Variants in ASMTL observed in about 807,000 individuals in gnomAD.
ASMTL encodes the protein probable bifunctional dTTP/UTP pyrophosphatase/methyltransferase protein.
In ASMTL, 57 loss-of-function variants were observed where a neutral mutation model predicts 60.3. The ratio of observed to expected loss-of-function variants is 0.95; its 90% CI spans 0.76 to 1.18. ASMTL has a LOEUF of 1.18. Among genes scored for constraint, ASMTL ranks in the 50% most tolerant of loss-of-function variants. The probability of loss-of-function intolerance (pLI) is 0.00; values close to 1 mark genes in which losing one functional copy is unlikely to be tolerated. For missense variants in ASMTL, 981 were observed against 852.6 expected (o/e 1.15, Z -1.88); for synonymous variants, 419 against 373.0 (o/e 1.12, Z -1.42).
At chrX:1,439,206 C>T in intron 2 of ASMTL, 62 bp from the exon 3 acceptor site, 1 of 1,574,174 alleles carries the variant, frequency 6.4e-7, no homozygotes, top group Non-Finnish European at 8.7e-7. Context: ...GAGAAGTTTT[C>T]CCGTCGGTAC....
Position 1,442,181 on chromosome X carries a change from C to T in ASMTL, c.225+5G>A. On this transcript the variant is annotated splice_donor_5th_base_variant and intron_variant, in intron 2 of 12. Transcript: ENST00000381317. ...CATAAGGGCCGAAGGGCAGGGGCCC[C>T]TTGCCTGGTACAGCCGGTTGGCCAC... 1.2e-6 allele frequency: 2 copies of T among 1,613,436 alleles called. No individual in the cohort carries two copies. Among genetic ancestry groups the T allele is most frequent in the South Asian group, 1.1e-5 (1 of 91,034 alleles).
Position 1,452,909 on chromosome X carries a change from G to T in ASMTL, c.-69C>A. The T allele has an allele frequency of 7.8e-7, 1 of 1,286,670 alleles. No individual in the cohort carries two copies. Among genetic ancestry groups the T allele is most frequent in the South Asian group, 1.4e-5 (1 of 69,006 alleles). 79.7% of individuals were successfully genotyped at this position (1,286,670 alleles called of 1,614,324 possible). Reference sequence around the variant, plus strand: ...AGCCCGCGGTGCGCGCAGCGCGGCTGCAAAAAAAACAGGCGGCCAGAGTCC... The same window carrying T: ...AGCCCGCGGTGCGCGCAGCGCGGCTTCAAAAAAAACAGGCGGCCAGAGTCC... On this transcript the variant is annotated 5_prime_UTR_variant, in exon 1 of 13. Transcript: ENST00000381317.
intron 1 of ASMTL, among the ~76,000 whole-genome samples, chrX:1,443,131 GTGGACACACGCCGCCATCT>G (rs2091145976): frequency 6.7e-6 from 1 of 149,330 alleles, no homozygotes; most frequent in Non-Finnish European, 1.5e-5. Flanking sequence ...CACCGCCGTC[GTGGACACACGCCGCCATCT>G]TGGACACACA....
chrX:1,427,952 CG>C lies in ASMTL; in HGVS notation c.678del (p.His226GlnfsTer66). On this transcript the variant is annotated frameshift_variant, in exon 7 of 13. Transcript: ENST00000381317. LOFTEE classifies it high-confidence loss of function. ...RPEDLRRSVK[H>X]DSIPAADTFE... ...AAGGTGTCCGCGGCCGGGATGGAGT[CG>C]TGCTTGACACTCCGCCGCAGGTCCT... is the stretch of plus-strand genomic sequence containing the variant. 1 of 1,613,476 alleles carries C rather than the reference CG, an allele frequency of 6.2e-7. No individual in the cohort carries two copies. Among genetic ancestry groups the C allele is most frequent in the Non-Finnish European group, 8.5e-7 (1 of 1,179,826 alleles).
intron 2 of ASMTL, among the ~76,000 whole-genome samples, chrX:1,440,577 CAT>C (rs1437760980): frequency 5.9e-5 from 9 of 152,098 alleles, no homozygotes; most frequent in Non-Finnish European, 8.8e-5. Flanking sequence ...TCATATATAA[CAT>C]ATAGTAATTG....
At chrX:1,418,210 G>A (rs2090369591) in intron 10 of ASMTL, 94 bp from the exon 11 acceptor site, 2 of 1,381,680 alleles carry the variant, frequency 1.4e-6, no homozygotes, top group African/African-American at 2.9e-5. Flanking sequence ...AATGTTCAAG[G>A]GCATGGCATT....
Position 1,419,098 on chromosome X carries a change from C to G in ASMTL, c.1262G>C (p.Ser421Thr). Residue 421 changes from serine to threonine, a missense_variant, in exon 10 of 13, where the codon AGC becomes ACC. Coordinates refer to ENST00000381317, the MANE Select transcript of ASMTL (RefSeq NM_004192.4). The stretch of plus-strand genomic sequence containing the variant: ...CATGAACCTCAGCCGCGTCTCCGGG[C>G]TCTGGTAGTACGCATCCTGGAACAC... Reference protein sequence around the residue: ...EDLFQDAYYQSPETRLRFMRA... With the variant: ...EDLFQDAYYQTPETRLRFMRA... 1.2e-6 allele frequency: 2 copies of G among 1,611,310 alleles called. No individual in the cohort carries two copies. Among genetic ancestry groups the G allele is most frequent in the Non-Finnish European group, 1.7e-6 (2 of 1,179,516 alleles).
chrX:1,419,800 G>T (rs1438122527), intron 9 of ASMTL, among the ~76,000 whole-genome samples: 6 of 152,200 alleles, frequency 3.9e-5, no homozygotes, highest in African/African-American at 1.4e-4. Context: ...CCCCTGCGTG[G>T]GTGGCAATCA....
chrX:1,415,610 CG>C (rs1228553310), intron 11 of ASMTL, among the ~76,000 whole-genome samples: 6 of 151,918 alleles, frequency 3.9e-5, no homozygotes, highest in Non-Finnish European at 8.8e-5. Flanking sequence ...GGATTACAGG[CG>C]CCCGCCACCA....
intron 12 of ASMTL, among the ~76,000 whole-genome samples, chrX:1,406,501 G>A (rs752998064): frequency 6.6e-6 from 1 of 151,764 alleles, no homozygotes; most frequent in South Asian, 2.1e-4. Flanking sequence ...ATAGATGGAT[G>A]TATGGATGTG....
chrX:1,403,551 A>G (rs183973009), intron 12 of ASMTL, 62 bp from the exon 13 acceptor site: 17,828 of 1,468,092 alleles, frequency 0.012, 139 homozygotes, highest in Non-Finnish European at 0.015. Flanking sequence ...TCAGCAGGAC[A>G]CAGGGGACAC....
chrX:1,417,348 C>G (rs1364235580), intron 11 of ASMTL, among the ~76,000 whole-genome samples: 1 of 151,630 alleles, frequency 6.6e-6, no homozygotes. Flanking sequence ...CACACGGATG[C>G]ACACACATCA....
intron 1 of ASMTL, among the ~76,000 whole-genome samples, chrX:1,451,438 G>A (rs140101273): frequency 2.0e-3 from 287 of 141,566 alleles, no homozygotes; most frequent in African/African-American, 7.3e-3. Context: ...GGGGTTCCAG[G>A]TCACTCTCCC....
chrX:1,444,120 C>G (rs1246072537), intron 1 of ASMTL, among the ~76,000 whole-genome samples: 1 of 152,202 alleles, frequency 6.6e-6, no homozygotes, highest in Non-Finnish European at 1.5e-5. Context: ...GACAGTCCAA[C>G]CCCGCAATCA....
In ASMTL at chrX:1,452,784, G is replaced by C. The variant is rs1238268974; in HGVS notation, c.57C>G (p.Ser19Arg). 2 of 1,596,550 alleles carry C rather than the reference G, an allele frequency of 1.3e-6. No homozygotes were observed. The highest frequency in any genetic ancestry group is 1.7e-6 in the Non-Finnish European group (2 of 1,177,280). Residue 19 changes from serine to arginine, a missense_variant, in exon 1 of 13, where the codon AGC becomes AGG. Coordinates refer to ENST00000381317, the MANE Select transcript of ASMTL (RefSeq NM_004192.4). ...KLLHKRVVLA[S>R]ASPRRQEILS... Reference sequence around the variant, plus strand: ...GGATCTCCTGACGGCGTGGGGAGGCGCTGGCCAGCACCACGCGCTTGTGCA... The same window carrying C: ...GGATCTCCTGACGGCGTGGGGAGGCCCTGGCCAGCACCACGCGCTTGTGCA...
chrX:1,418,233 G>T, intron 10 of ASMTL, 117 bp from the exon 11 acceptor site: 1 of 1,235,878 alleles, frequency 8.1e-7, no homozygotes, highest in Non-Finnish European at 1.1e-6. Flanking sequence ...TTCCCATGCT[G>T]GAAGGGAAAG....
At chrX:1,448,199 C>CCACCATCTTGGACACA (rs1363191331) in intron 1 of ASMTL, among the ~76,000 whole-genome samples, 2 of 151,564 alleles carry the variant, frequency 1.3e-5, no homozygotes, top group Non-Finnish European at 2.9e-5. Flanking sequence ...TGGATAAGCA[C>CCACCATCTTGGACACA]CACCATCTTG....
At chrX:1,440,976 C>T (rs1424598178) in intron 2 of ASMTL, among the ~76,000 whole-genome samples, 3 of 151,910 alleles carry the variant, frequency 2.0e-5, no homozygotes, top group African/African-American at 7.3e-5. Context: ...TATATTCAAA[C>T]ATAGTAACAA....
intron 2 of ASMTL, among the ~76,000 whole-genome samples, chrX:1,439,757 A>G (rs1387101977): frequency 2.0e-5 from 3 of 150,770 alleles, no homozygotes; most frequent in Admixed American, 6.6e-5. Flanking sequence ...AATCGCTTGA[A>G]CCTAGGAGGC....
Sources: gnomAD v4.1 joint callset for allele counts (sites outside exome capture counted in the v4.1 genomes callset) on GRCh38, gnomAD v4.1.1 for gene constraint, MANE v1.5 for transcripts, NCBI Gene and HGNC (gene_info 2026-07-23, HGNC 2026-07-21) for gene names.